The following RP1 variants were observed in gnomAD, a reference collection of about 807,000 sequenced individuals.
RP1 encodes the protein oxygen-regulated protein 1.
RP1 carries 16 observed loss-of-function variants against 14.8 expected under a neutral mutation model. The observed-to-expected ratio is 1.08, with a 90% confidence interval of 0.73 to 1.65. The LOEUF (loss-of-function observed/expected upper bound fraction) is 1.65. Ranked by LOEUF, RP1 falls within the 40% of genes most tolerant of loss-of-function variation. The pLI, the probability that RP1 is intolerant of heterozygous loss-of-function variation, is 0.00. For missense variants in RP1, 2,631 were observed against 2,535.0 expected, an observed-to-expected ratio of 1.04 and a Z score of -0.81; for synonymous variants, 876 against 883.6, an observed-to-expected ratio of 0.99 and a Z score of 0.15.
At chr8:54,743,228 A>T (rs532918832) in intron 19 of RP1, among the ~76,000 whole-genome samples, 22 of 151,994 alleles carry the variant, frequency 1.4e-4, no homozygotes, top group Admixed American at 2.0e-4. Flanking sequence ...TCCCTGTTAA[A>T]ATATATATAT....
intron 23 of RP1, among the ~76,000 whole-genome samples, chr8:54,778,321 C>CTTTTTT (rs35643905): frequency 3.1e-5 from 3 of 96,770 alleles, no homozygotes; most frequent in African/African-American, 3.7e-5. Flanking sequence ...GCTTCTTCTT[C>CTTTTTT]TTTTTTTTTT....
intron 15 of RP1, among the ~76,000 whole-genome samples, chr8:54,718,927 T>C (rs1245835004): frequency 2.0e-5 from 3 of 152,142 alleles, no homozygotes; most frequent in African/African-American, 7.2e-5. Context: ...ATACAAGACA[T>C]TATAGATTTG....
chr8:54,663,685 T>C (rs757478300), intron 6 of RP1: 72 of 1,507,796 alleles, frequency 4.8e-5, no homozygotes, highest in Non-Finnish European at 9.7e-6. Context: ...AAGTTTTTTT[T>C]CTTATGTTGT....
intron 24 of RP1, among the ~76,000 whole-genome samples, chr8:54,833,838 A>G (rs987366730): frequency 2.6e-5 from 4 of 152,106 alleles, no homozygotes; most frequent in Non-Finnish European, 5.9e-5. Flanking sequence ...TCAGATACTT[A>G]TAAGGAGACT....
At chr8:54,689,005 T>C (rs1169545413) in intron 12 of RP1, among the ~76,000 whole-genome samples, 3 of 152,190 alleles carry the variant, frequency 2.0e-5, no homozygotes, top group East Asian at 3.8e-4. Flanking sequence ...TGGTTTGTAG[T>C]TCTTCTTGAA....
At position 54,630,269 on chromosome 8, in the gene RP1, G is replaced by A. The variant is rs1418048869; in HGVS notation, c.6387G>A (p.Glu2129=). ...ATATTTTAGAACTTTGTATGTTTGA[G>A]GGTGAAAATCTTTTCATTTGGGAAG... is the stretch of plus-strand genomic sequence containing the variant. ...NRNILELCMF[E]GENLFIWEEE... is the part of the protein sequence containing the mutation. The change falls in exon 4 of 4, where the codon GAG becomes GAA. Residue 2129 remains glutamate, a synonymous_variant. Transcript: ENST00000220676. 6 of 1,613,622 alleles carry A rather than the reference G, an allele frequency of 3.7e-6. No homozygotes were observed. The South Asian group carries it at 6.6e-5, about 18-fold the overall frequency.
chr8:54,711,412 G>A (rs972341029), intron 15 of RP1, among the ~76,000 whole-genome samples: 2 of 152,164 alleles, frequency 1.3e-5, no homozygotes, highest in African/African-American at 4.8e-5. Context: ...TACACAGCCT[G>A]TCCATAAAGC....
At chr8:54,780,466 C>A (rs747812101) in intron 23 of RP1, among the ~76,000 whole-genome samples, 2 of 152,188 alleles carry the variant, frequency 1.3e-5, no homozygotes, top group Non-Finnish European at 2.9e-5. Flanking sequence ...ACCTGTAAGT[C>A]AACTTGTCAA....
At chr8:54,754,947 A>G in intron 20 of RP1, 1 of 1,517,912 alleles carries the variant, frequency 6.6e-7, no homozygotes, top group South Asian at 1.3e-5. Context: ...TGTGTTTTTA[A>G]TCTTCAGTAG....
intron 15 of RP1, among the ~76,000 whole-genome samples, chr8:54,718,252 A>T (rs1357204337): frequency 6.6e-6 from 1 of 152,210 alleles, no homozygotes. Context: ...ACAGACCCAG[A>T]ATAGCCAACA....
At chr8:54,820,643 G>A (rs1023494335) in intron 24 of RP1, among the ~76,000 whole-genome samples, 3 of 152,070 alleles carry the variant, frequency 2.0e-5, no homozygotes, top group Non-Finnish European at 4.4e-5. Flanking sequence ...GCATGCTGTA[G>A]GGGATGTGGA....
chr8:54,716,120 T>C (rs916661277), intron 15 of RP1, among the ~76,000 whole-genome samples: 9 of 152,210 alleles, frequency 5.9e-5, no homozygotes, highest in Non-Finnish European at 8.8e-5. Flanking sequence ...GAAGATGTGC[T>C]AGTTTATTGA....
chr8:54,825,033 G>C lies in RP1; in HGVS notation c.3616-12417G>C, dbSNP rs1458627562. 4.6e-5 allele frequency among the ~76,000 whole-genome samples: 7 copies of C among 151,876 alleles called. No homozygotes were observed. The South Asian group carries it at 1.5e-3, about 32-fold the overall frequency. On this transcript the variant is annotated intron_variant, in intron 24 of 28. Coordinates refer to the RP1 transcript ENST00000637698. ...CAGGCTAGATAGAGTGCAGTGGCGC[G>C]ATCTCCGCTCACTGCAAGCTCCGCC...
At chr8:54,601,284 A>T (rs189223104) in intron 1 of RP1, among the ~76,000 whole-genome samples, 1 of 148,828 alleles carries the variant, frequency 6.7e-6, no homozygotes, top group Non-Finnish European at 1.5e-5. Flanking sequence ...CAACATGTGG[A>T]TATGTAATTT....
At chr8:54,575,702 C>A (rs939365991) in intron 1 of RP1, among the ~76,000 whole-genome samples, 3 of 152,108 alleles carry the variant, frequency 2.0e-5, no homozygotes, top group Non-Finnish European at 4.4e-5. Flanking sequence ...AAACTTGTGT[C>A]ATGGATTTGT....
intron 12 of RP1, among the ~76,000 whole-genome samples, chr8:54,681,491 TG>T (rs1807429168): frequency 2.7e-5 from 4 of 148,550 alleles, no homozygotes; most frequent in Non-Finnish European, 5.9e-5. Context: ...TTTGTGTGTG[TG>T]TGTGTGTGTG....
intron 24 of RP1, among the ~76,000 whole-genome samples, chr8:54,797,518 C>T (rs890335093): frequency 3.0e-5 from 4 of 133,984 alleles, no homozygotes; most frequent in Non-Finnish European, 6.3e-5. Context: ...TGAACTGAGT[C>T]ACATAGGACT....
intron 24 of RP1, among the ~76,000 whole-genome samples, chr8:54,812,135 T>G (rs1031088843): frequency 6.6e-6 from 1 of 152,150 alleles, no homozygotes; most frequent in African/African-American, 2.4e-5. Flanking sequence ...GTTTGTCAGA[T>G]TTTTGTTTTC....
At chr8:54,694,952 CA>C (rs2129341078) in intron 12 of RP1, among the ~76,000 whole-genome samples, 1 of 151,990 alleles carries the variant, frequency 6.6e-6, no homozygotes, top group African/African-American at 2.4e-5. Flanking sequence ...CTCTTGTGGG[CA>C]TTTAGTGCTA....
Sources: gnomAD v4.1 joint callset for allele counts (sites outside exome capture counted in the v4.1 genomes callset) on GRCh38, gnomAD v4.1.1 for gene constraint, MANE v1.5 for transcripts, NCBI Gene and HGNC (gene_info 2026-07-23, HGNC 2026-07-21) for gene names.